RALYL: variants seen among roughly 807,000 people sequenced by gnomAD.
RALYL encodes the protein RNA-binding Raly-like protein.
A neutral mutation model predicts 35.1 loss-of-function variants in RALYL; 29 were observed. The observed-to-expected ratio is 0.83, with a 90% CI of 0.61 to 1.13. RALYL has a LOEUF of 1.13. Ranked by LOEUF, RALYL falls within the 50% of genes most tolerant of loss-of-function variation. The pLI is 0.00. For synonymous variants in RALYL, 120 were observed against 127.6 expected (o/e 0.94, Z 0.40); for missense variants, 359 against 360.4 (o/e 1.00, Z 0.03).
At chr8:84,557,918 A>G (rs1307977494) in intron 2 of RALYL, among the ~76,000 whole-genome samples, 1 of 152,196 alleles carries the variant, frequency 6.6e-6, no homozygotes, top group African/African-American at 2.4e-5. Context: ...GGGAAGTAAG[A>G]CAATGTAGAA....
intron 2 of RALYL, among the ~76,000 whole-genome samples, chr8:84,544,862 C>G (rs1462415430): frequency 6.6e-6 from 1 of 151,666 alleles, no homozygotes; most frequent in African/African-American, 2.4e-5. Context: ...TGAATTTTTC[C>G]CCATCTGATG....
chr8:84,599,373 A>G (rs1006618328), intron 2 of RALYL, among the ~76,000 whole-genome samples: 3 of 152,036 alleles, frequency 2.0e-5, no homozygotes, highest in Admixed American at 2.0e-4. Context: ...TCTTAAGTAT[A>G]TATATACAAT....
intron 1 of RALYL, among the ~76,000 whole-genome samples, chr8:84,469,863 C>A (rs1405544098): frequency 3.3e-5 from 5 of 152,266 alleles, no homozygotes; most frequent in African/African-American, 4.8e-5. Context: ...TTAAGCCCGT[C>A]GGAAAAGCGC....
At chr8:84,424,707 G>T (rs1268249838) in intron 1 of RALYL, among the ~76,000 whole-genome samples, 5 of 151,904 alleles carry the variant, frequency 3.3e-5, no homozygotes, top group Non-Finnish European at 5.9e-5. Context: ...TTTGATGATG[G>T]TGATGTACAG....
intron 1 of RALYL, among the ~76,000 whole-genome samples, chr8:84,343,018 G>A (rs1033023789): frequency 3.3e-5 from 5 of 152,038 alleles, no homozygotes; most frequent in African/African-American, 1.2e-4. Context: ...CAGCACAGAA[G>A]TAAAGAAGTC....
chr8:84,800,051 C>T (rs1376979972), intron 3 of RALYL, among the ~76,000 whole-genome samples: 3 of 152,166 alleles, frequency 2.0e-5, no homozygotes, highest in Non-Finnish European at 2.9e-5. Flanking sequence ...AGAGATATTT[C>T]GTGGGCAGCT....
intron 4 of RALYL, among the ~76,000 whole-genome samples, chr8:84,841,561 A>G (rs1411665301): frequency 1.3e-5 from 2 of 152,202 alleles, no homozygotes; most frequent in African/African-American, 2.4e-5. Flanking sequence ...CAGATCAACG[A>G]GACAGAAAGT....
At chr8:84,219,540 G>T (rs912711426) in intron 1 of RALYL, among the ~76,000 whole-genome samples, 2 of 151,806 alleles carry the variant, frequency 1.3e-5, no homozygotes, top group Admixed American at 1.3e-4. Context: ...TGATCCACTT[G>T]CCTTTTTCAC....
At chr8:84,635,324 C>A (rs1336536543) in intron 2 of RALYL, among the ~76,000 whole-genome samples, 2 of 149,830 alleles carry the variant, frequency 1.3e-5, no homozygotes, top group Admixed American at 6.8e-5. Context: ...AGAACACCTG[C>A]CATATCTTTT....
At chr8:84,560,845 T>C (rs1205552061) in intron 2 of RALYL, among the ~76,000 whole-genome samples, 1 of 151,954 alleles carries the variant, frequency 6.6e-6, no homozygotes, top group Non-Finnish European at 1.5e-5. Context: ...GTCAATTAAA[T>C]GCCCTTGGCT....
At chr8:84,903,171 C>T (rs1318835998) in intron 8 of RALYL, among the ~76,000 whole-genome samples, 2 of 151,994 alleles carry the variant, frequency 1.3e-5, no homozygotes, top group Non-Finnish European at 1.5e-5. Flanking sequence ...TTGAGGAATT[C>T]TCTGTTGAGC....
intron 4 of RALYL, among the ~76,000 whole-genome samples, chr8:84,847,161 C>T (rs556452344): frequency 1.3e-5 from 2 of 152,354 alleles, no homozygotes; most frequent in South Asian, 2.1e-4. Context: ...CCCTTGGGCT[C>T]TGCCCAGACA....
chr8:84,796,851 T>C (rs1822039365), intron 3 of RALYL, among the ~76,000 whole-genome samples: 1 of 152,260 alleles, frequency 6.6e-6, no homozygotes, highest in Admixed American at 6.5e-5. Context: ...GCCACCATCA[T>C]ACCCAGTGTG....
chr8:84,655,731 G>A (rs1265407068), intron 2 of RALYL, among the ~76,000 whole-genome samples: 2 of 152,020 alleles, frequency 1.3e-5, no homozygotes, highest in African/African-American at 4.8e-5. Flanking sequence ...GAAGTGTTTG[G>A]GGTCTTTTTA....
chr8:84,305,120 A>T (rs1414117810), intron 1 of RALYL, among the ~76,000 whole-genome samples: 1 of 152,208 alleles, frequency 6.6e-6, no homozygotes, highest in Non-Finnish European at 1.5e-5. Context: ...TACCTAAAAG[A>T]TGTATGAACT....
intron 2 of RALYL, among the ~76,000 whole-genome samples, chr8:84,552,366 T>A (rs1411194734): frequency 2.9e-4 from 36 of 123,084 alleles, no homozygotes; most frequent in African/African-American, 1.0e-3. Context: ...ATATTTTTTT[T>A]TTTTTTTTTT....
intron 2 of RALYL, among the ~76,000 whole-genome samples, chr8:84,670,849 CTATCAAA>C (rs1833070638): frequency 6.6e-6 from 1 of 152,164 alleles, no homozygotes; most frequent in Admixed American, 6.5e-5. Context: ...CCTCTGGCCC[CTATCAAA>C]TGTCATATCC....
At chr8:84,671,019 C>T (rs1833103672) in intron 2 of RALYL, among the ~76,000 whole-genome samples, 1 of 152,212 alleles carries the variant, frequency 6.6e-6, no homozygotes, top group South Asian at 2.1e-4. Flanking sequence ...AAGTTAGTTA[C>T]TTCCTATATA....
chr8:84,447,388 C>A (rs7016419), intron 1 of RALYL, among the ~76,000 whole-genome samples: 2 of 151,950 alleles, frequency 1.3e-5, no homozygotes, highest in Non-Finnish European at 2.9e-5. Context: ...TACCTAAATG[C>A]GTGGCCTGCT....
Sources: gnomAD v4.1 joint callset for allele counts (sites outside exome capture counted in the v4.1 genomes callset) on GRCh38, gnomAD v4.1.1 for gene constraint, MANE v1.5 for transcripts, NCBI Gene and HGNC (gene_info 2026-07-23, HGNC 2026-07-21) for gene names.